Variants in BRD10 observed in about 807,000 individuals in gnomAD.
The protein encoded by BRD10 is uncharacterized bromodomain-containing protein 10.
the BRD10 span, among the ~76,000 whole-genome samples, chr9:5,953,253 G>C: frequency 6.6e-6 from 1 of 151,886 alleles, no homozygotes; most frequent in African/African-American, 2.4e-5. Context: ...TTGGTCATTA[G>C]GTATGAGTTT....
At chr9:5,918,560 A>G in the BRD10 span, among the ~76,000 whole-genome samples, 1 of 152,174 alleles carries the variant, frequency 6.6e-6, no homozygotes. Context: ...AAAAAATTAA[A>G]AAATTAGGCA....
the BRD10 span, among the ~76,000 whole-genome samples, chr9:5,933,573 T>C: frequency 1.1e-4 from 17 of 152,336 alleles, 1 homozygote; most frequent in East Asian, 2.5e-3. Context: ...AACTGGTCTA[T>C]GGTCACAAGA....
chr9:5,954,216 A>C, the BRD10 span: 1 of 621,782 alleles, frequency 1.6e-6, no homozygotes, highest in Non-Finnish European at 2.8e-6. Context: ...TAGTGAGTCA[A>C]ATAAAAATGA....
chr9:5,922,595 T>G, the BRD10 span: 1 of 1,613,998 alleles, frequency 6.2e-7, no homozygotes. Context: ...TGAACAATGT[T>G]GTTCTGTACC....
At chr9:5,932,923 A>C in the BRD10 span, among the ~76,000 whole-genome samples, 5 of 152,292 alleles carry the variant, frequency 3.3e-5, no homozygotes, top group South Asian at 1.0e-3. Flanking sequence ...TTACAATAAT[A>C]ATTAAAATAA....
the BRD10 span, among the ~76,000 whole-genome samples, chr9:5,949,591 C>T: frequency 6.6e-6 from 1 of 152,128 alleles, no homozygotes; most frequent in South Asian, 2.1e-4. Context: ...TTCTGCAAAG[C>T]AGCCTTTAAA....
chr9:5,935,957 A>G, the BRD10 span, among the ~76,000 whole-genome samples: 4 of 152,248 alleles, frequency 2.6e-5, no homozygotes, highest in Non-Finnish European at 4.4e-5. Flanking sequence ...TATAATGAAT[A>G]TAATCTAACT....
the BRD10 span, chr9:5,921,117 C>T: frequency 1.2e-6 from 2 of 1,613,922 alleles, no homozygotes; most frequent in East Asian, 2.2e-5. Context: ...TTTGAGCTTA[C>T]TGGAACTGAA....
the BRD10 span, chr9:6,008,128 C>A: frequency 1.0e-6 from 1 of 983,948 alleles, no homozygotes; most frequent in Non-Finnish European, 1.2e-6. Context: ...CCTGCCGGGT[C>A]GCCGCGGCCT....
chr9:5,934,447 CT>C, the BRD10 span, among the ~76,000 whole-genome samples: 1 of 151,332 alleles, frequency 6.6e-6, no homozygotes, highest in Non-Finnish European at 1.5e-5. Context: ...CAACCTCCAC[CT>C]CCTGGGTTCA....
the BRD10 span, chr9:5,923,141 T>G: frequency 6.2e-7 from 1 of 1,614,032 alleles, no homozygotes; most frequent in Non-Finnish European, 8.5e-7. Flanking sequence ...TAACTTTGCC[T>G]TCTTCCTTGG....
At chr9:5,932,752 C>T in the BRD10 span, among the ~76,000 whole-genome samples, 1 of 152,132 alleles carries the variant, frequency 6.6e-6, no homozygotes, top group Non-Finnish European at 1.5e-5. Flanking sequence ...TAAATACTAA[C>T]GTCTAATCTC....
the BRD10 span, chr9:5,919,922 G>A: frequency 6.2e-7 from 1 of 1,613,944 alleles, no homozygotes; most frequent in Non-Finnish European, 8.5e-7. Context: ...AGGATTACTG[G>A]GGCAAATGGC....
At chr9:5,890,124 G>C in the BRD10 span, among the ~76,000 whole-genome samples, 5 of 152,154 alleles carry the variant, frequency 3.3e-5, no homozygotes, top group Non-Finnish European at 7.3e-5. Context: ...GAGGGAATAG[G>C]GAACCCAGTT....
the BRD10 span, among the ~76,000 whole-genome samples, chr9:5,963,777 C>G: frequency 6.6e-6 from 1 of 151,988 alleles, no homozygotes. Flanking sequence ...TGATCTTTGA[C>G]AAACCTGAGA....
the BRD10 span, among the ~76,000 whole-genome samples, chr9:5,975,336 G>A: frequency 6.7e-6 from 1 of 149,854 alleles, no homozygotes; most frequent in South Asian, 2.1e-4. Flanking sequence ...CTACTTGGGA[G>A]GCTGAAGCAG....
chr9:5,919,485 AT>A, the BRD10 span: 1 of 535,856 alleles, frequency 1.9e-6, no homozygotes, highest in East Asian at 3.1e-5. Flanking sequence ...AATGGAACAG[AT>A]CTTTCCCTCC....
chr9:5,967,690 G>T, the BRD10 span, among the ~76,000 whole-genome samples: 1 of 70,398 alleles, frequency 1.4e-5, no homozygotes. Flanking sequence ...ACTGCCCTTA[G>T]CCTGAAAAAA....
chr9:6,000,972 G>C, the BRD10 span, among the ~76,000 whole-genome samples: 3 of 152,076 alleles, frequency 2.0e-5, no homozygotes, highest in Non-Finnish European at 4.4e-5. Context: ...TCTAGCCCTT[G>C]TCACTATGCT....
Sources: gnomAD v4.1 joint callset for allele counts (sites outside exome capture counted in the v4.1 genomes callset) on GRCh38, gnomAD v4.1.1 for gene constraint, MANE v1.5 for transcripts, NCBI Gene and HGNC (gene_info 2026-07-23, HGNC 2026-07-21) for gene names.